PARD3B: variants seen among roughly 807,000 people sequenced by gnomAD.
PARD3B encodes the protein partitioning defective 3 homolog B.
In PARD3B, 103 loss-of-function variants were observed where a neutral mutation model predicts 130.2. That is an observed-to-expected ratio of 0.79 (90% CI 0.67 to 0.93). PARD3B has a LOEUF of 0.93. PARD3B is among the 40% of genes least tolerant of loss of function. The pLI is 0.00. For missense variants in PARD3B, 1,609 were observed against 1,499.2 expected (o/e 1.07, Z -1.21); for synonymous variants, 583 against 553.2 (o/e 1.05, Z -0.76).
At chr2:205,206,564 G>A (rs2037324849) in intron 15 of PARD3B, among the ~76,000 whole-genome samples, 1 of 150,894 alleles carries the variant, frequency 6.6e-6, no homozygotes, top group Admixed American at 6.6e-5. Flanking sequence ...TTTTATGGCT[G>A]CATAGTATTC....
At chr2:204,878,391 T>C (rs987585452) in intron 2 of PARD3B, among the ~76,000 whole-genome samples, 2 of 152,156 alleles carry the variant, frequency 1.3e-5, no homozygotes, top group Non-Finnish European at 2.9e-5. Context: ...AGAAAAAAAT[T>C]GTTAAACATA....
chr2:204,821,054 C>G (rs917550177), intron 2 of PARD3B, among the ~76,000 whole-genome samples: 18 of 152,148 alleles, frequency 1.2e-4, no homozygotes, highest in African/African-American at 4.3e-4. Flanking sequence ...TGACAATGCA[C>G]TTTGTCGTCC....
intron 20 of PARD3B, among the ~76,000 whole-genome samples, chr2:205,442,766 T>C (rs2047765712): frequency 1.3e-5 from 2 of 152,202 alleles, no homozygotes; most frequent in African/African-American, 4.8e-5. Context: ...GAAACTCTAC[T>C]AACTAATCTA....
Position 205,246,148 on chromosome 2 carries a change from G to T in PARD3B, c.2185+326G>T, listed in dbSNP as rs116659683. On this transcript the variant is annotated intron_variant, in intron 16 of 22. Transcript: ENST00000406610. ...AAAGTTCAAGATTCTTTCCCATGAT[G>T]ACTTTCATATTTAAGTGGCGGGACA... Among the ~76,000 whole-genome samples the T allele has an allele frequency of 1.3e-3, 191 of 152,016 alleles. 2 individuals are homozygous for T. Among genetic ancestry groups the T allele is most frequent in the African/African-American group, 4.5e-3 (187 of 41,480 alleles).
intron 3 of PARD3B, among the ~76,000 whole-genome samples, chr2:205,017,860 C>T (rs1188902050): frequency 1.3e-5 from 2 of 152,042 alleles, no homozygotes; most frequent in Non-Finnish European, 2.9e-5. Context: ...GGGGAGCTGA[C>T]AAGAGGGAAA....
chr2:204,579,435 G>A (rs1200789752), intron 1 of PARD3B, among the ~76,000 whole-genome samples: 1 of 152,086 alleles, frequency 6.6e-6, no homozygotes. Context: ...GCTGTGACTG[G>A]ATGAACACAA....
chr2:204,875,873 T>C (rs555279348), intron 2 of PARD3B, among the ~76,000 whole-genome samples: 3 of 152,302 alleles, frequency 2.0e-5, no homozygotes, highest in Non-Finnish European at 4.4e-5. Flanking sequence ...GAAGAATAAA[T>C]AAGAAACATC....
chr2:204,852,707 G>T (rs2044759547), intron 2 of PARD3B, among the ~76,000 whole-genome samples: 1 of 152,102 alleles, frequency 6.6e-6, no homozygotes, highest in African/African-American at 2.4e-5. Context: ...AGAGTGTCTT[G>T]TTTCTTAATT....
At chr2:205,039,135 G>T (rs1227963616) in intron 3 of PARD3B, among the ~76,000 whole-genome samples, 3 of 152,022 alleles carry the variant, frequency 2.0e-5, no homozygotes, top group Non-Finnish European at 2.9e-5. Context: ...CAGCTGAAAA[G>T]CCCTATCTGA....
In PARD3B at chr2:204,860,643, T is replaced by G. The variant is rs138276482; in HGVS notation, c.223-104509T>G. On this transcript the variant is annotated intron_variant, in intron 2 of 22. Transcript: ENST00000406610. Reference sequence around the variant, plus strand: ...AAAGAGAAGAGTTGTTGTTATTAAGTTTCCTAAGTGTGCTCCCTCTGGTGT... The same window carrying G: ...AAAGAGAAGAGTTGTTGTTATTAAGGTTCCTAAGTGTGCTCCCTCTGGTGT... 2.8e-3 allele frequency among the ~76,000 whole-genome samples: 429 copies of G among 152,300 alleles called. 1 individual carries two copies. Among genetic ancestry groups the G allele is most frequent in the Non-Finnish European group, 4.8e-3 (325 of 68,032 alleles).
intron 21 of PARD3B, among the ~76,000 whole-genome samples, chr2:205,551,982 T>C (rs1252172835): frequency 2.0e-5 from 3 of 152,192 alleles, no homozygotes; most frequent in African/African-American, 4.8e-5. Context: ...ACCAAGTGCG[T>C]TGAGGTGAAC....
At chr2:205,195,359 G>A (rs1559531057) in intron 15 of PARD3B, among the ~76,000 whole-genome samples, 1 of 152,252 alleles carries the variant, frequency 6.6e-6, no homozygotes, top group East Asian at 1.9e-4. Flanking sequence ...ACAGCATGCT[G>A]TAAAAACAAG....
At chr2:204,837,535 C>T (rs970582272) in intron 2 of PARD3B, among the ~76,000 whole-genome samples, 20 of 151,996 alleles carry the variant, frequency 1.3e-4, no homozygotes, top group African/African-American at 4.3e-4. Context: ...ATTCTCCTGC[C>T]TTGGTTCCCA....
At chr2:204,867,691 G>A (rs1360931057) in intron 2 of PARD3B, among the ~76,000 whole-genome samples, 1 of 151,924 alleles carries the variant, frequency 6.6e-6, no homozygotes, top group African/African-American at 2.4e-5. Context: ...AGAAATCCCT[G>A]ACCATTTTAT....
intron 15 of PARD3B, among the ~76,000 whole-genome samples, chr2:205,194,750 A>G (rs1382531248): frequency 6.6e-6 from 1 of 151,994 alleles, no homozygotes. Context: ...CATGTGCAGA[A>G]TCAATATTTT....
At chr2:205,388,579 C>T (rs548348798) in intron 18 of PARD3B, among the ~76,000 whole-genome samples, 1 of 152,264 alleles carries the variant, frequency 6.6e-6, no homozygotes, top group East Asian at 1.9e-4. Flanking sequence ...TTAGAAAACC[C>T]TGTTAGAAAT....
intron 1 of PARD3B, among the ~76,000 whole-genome samples, chr2:204,565,013 A>G (rs909943781): frequency 1.3e-5 from 2 of 152,188 alleles, no homozygotes; most frequent in African/African-American, 4.8e-5. Context: ...CGCCTAGGCT[A>G]TGCTCTCATC....
rs372483895 is a variant in PARD3B, at chr2:205,473,270, G to A, written c.3045-26626G>A. On this transcript the variant is annotated intron_variant, in intron 20 of 22. Transcript: ENST00000406610. The surrounding 1 kb of genome is among the most constrained non-coding windows in gnomAD (Gnocchi z 4.9). ...TGATTTCATAAATTTAGCATATTAC[G>A]CATTGCAGCATTCTGCCTTTCATAT... 1.6e-3 allele frequency among the ~76,000 whole-genome samples: 246 copies of A among 152,112 alleles called. 1 individual carries two copies. Among genetic ancestry groups the A allele is most frequent in the African/African-American group, 5.3e-3 (221 of 41,502 alleles).
intron 3 of PARD3B, among the ~76,000 whole-genome samples, chr2:205,000,129 A>G (rs1280000449): frequency 2.0e-5 from 3 of 151,992 alleles, no homozygotes; most frequent in Non-Finnish European, 4.4e-5. Flanking sequence ...TTACTGGAAT[A>G]TTATTATATA....
Sources: gnomAD v4.1 joint callset for allele counts (sites outside exome capture counted in the v4.1 genomes callset) on GRCh38, gnomAD v4.1.1 for gene constraint, Gnocchi (gnomAD v3.1) non-coding constraint, MANE v1.5 for transcripts, NCBI Gene and HGNC (gene_info 2026-07-23, HGNC 2026-07-21) for gene names.